Variants in UVRAG observed in about 807,000 individuals in gnomAD.
UVRAG encodes UV radiation resistance associated.
Under a neutral mutation model 78.0 loss-of-function variants are expected in UVRAG, and 19 were observed. The observed-to-expected ratio is 0.24, with a 90% CI of 0.17 to 0.36. The LOEUF (loss-of-function observed/expected upper bound fraction) is 0.36. UVRAG is among the 10% of genes least tolerant of loss of function. The pLI is 1.00. For synonymous variants in UVRAG, 323 were observed against 324.6 expected, an observed-to-expected ratio of 1.00 and a Z score of 0.05; for missense variants, 740 against 853.8, an observed-to-expected ratio of 0.87 and a Z score of 1.66.
intron 5 of UVRAG, chr11:75,911,438 A>C (rs1435106023): frequency 6.1e-6 from 1 of 163,378 alleles, no homozygotes; most frequent in Non-Finnish European, 1.4e-5. Context: ...CTGTTGCCCC[A>C]GGTGATGTTC....
At position 76,107,840 on chromosome 11, in the gene UVRAG, C is replaced by T. The variant is rs189370743; in HGVS notation, c.1306-8084C>T. Among the ~76,000 whole-genome samples the T allele has an allele frequency of 4.3e-4, 66 of 151,970 alleles. 1 individual carries two copies. In the East Asian group the frequency reaches 0.011, roughly 26 times the overall value. ...TCTAGTTCTTTTCATGTCAGTGAAACTTAGTAGTACTTAAAAATGGATTGA... is the reference window on the plus strand; with the variant it reads ...TCTAGTTCTTTTCATGTCAGTGAAATTTAGTAGTACTTAAAAATGGATTGA... On this transcript the variant is annotated intron_variant, in intron 13 of 14. Transcript: ENST00000356136.
chr11:75,908,248 A>C (rs1269349179), intron 5 of UVRAG, among the ~76,000 whole-genome samples: 1 of 152,154 alleles, frequency 6.6e-6, no homozygotes, highest in Non-Finnish European at 1.5e-5. Context: ...CGTGTGTCAG[A>C]ATTTCCTTCC....
intron 6 of UVRAG, among the ~76,000 whole-genome samples, chr11:75,912,878 A>T (rs563612070): frequency 6.6e-6 from 1 of 152,354 alleles, no homozygotes; most frequent in Admixed American, 6.5e-5. Context: ...ATTACACATG[A>T]TATAGAGTTT....
chr11:75,927,528 A>T (rs1237756920), intron 6 of UVRAG, among the ~76,000 whole-genome samples: 2 of 152,254 alleles, frequency 1.3e-5, no homozygotes, highest in African/African-American at 4.8e-5. Flanking sequence ...GTACATTTTA[A>T]TAGGAAATTC....
intron 12 of UVRAG, among the ~76,000 whole-genome samples, chr11:76,023,967 C>A (rs545366681): frequency 2.0e-5 from 3 of 152,040 alleles, no homozygotes; most frequent in Admixed American, 1.3e-4. Flanking sequence ...GATGAAGGGA[C>A]GCCTAGATGA....
rs149310909 is a variant in UVRAG at position 75,837,389 on chromosome 11, A to G, written c.118-14494A>G. 4.4e-3 allele frequency among the ~76,000 whole-genome samples: 671 copies of G among 151,816 alleles called. 3 individuals are homozygous for G. Among genetic ancestry groups the G allele is most frequent in the African/African-American group, 0.015 (615 of 41,364 alleles). On this transcript the variant is annotated intron_variant, in intron 1 of 14. Coordinates refer to ENST00000356136, the MANE Select transcript of UVRAG (RefSeq NM_003369.4). ...AGTCCCTGATATAAAATGGCATAGT[A>G]TGCATATAACCCATGCAACATCTTC...
rs922273021 is a variant in UVRAG, at chr11:76,142,021, A to C, written c.*608A>C. 3 of 152,496 alleles carry C rather than the reference A, an allele frequency of 2.0e-5. No individual in the cohort carries two copies. The highest frequency in any genetic ancestry group is 3.8e-4 in the East Asian group (2 of 5,196). 9.4% of individuals were successfully genotyped at this position (152,496 alleles called of 1,614,324 possible). A position where few individuals can be genotyped will look rare whatever the true frequency, so the allele number is the denominator to read the frequency against. Reference sequence around the variant, plus strand: ...CGTGGATGGGCCATGCGTCCTGAAAACAGGACATCAGATTCACTGGTTCTG... The same window carrying C: ...CGTGGATGGGCCATGCGTCCTGAAACCAGGACATCAGATTCACTGGTTCTG... On this transcript the variant is annotated 3_prime_UTR_variant, in exon 15 of 15. Coordinates refer to ENST00000356136, the MANE Select transcript of UVRAG (RefSeq NM_003369.4).
intron 6 of UVRAG, among the ~76,000 whole-genome samples, chr11:75,936,440 A>G (rs372815489): frequency 3.3e-5 from 5 of 152,234 alleles, no homozygotes; most frequent in East Asian, 1.9e-4. Context: ...GTGACATTCC[A>G]TTTAAGGAAA....
At chr11:76,138,952 A>G (rs7946566) in intron 14 of UVRAG, among the ~76,000 whole-genome samples, 9,674 of 152,280 alleles carry the variant, frequency 0.064, 585 homozygotes, top group African/African-American at 0.16. Flanking sequence ...ATTATTGTGA[A>G]TTTGGGCAAC....
At chr11:75,894,283 T>C (rs1354422058) in intron 5 of UVRAG, among the ~76,000 whole-genome samples, 1 of 152,112 alleles carries the variant, frequency 6.6e-6, no homozygotes, top group Admixed American at 6.5e-5. Flanking sequence ...AAAACTTCTA[T>C]AGCAATTTGA....
rs772344092 is a variant in UVRAG, at chr11:76,016,888, A to G, written c.1134A>G (p.Leu378=). ...AHLVSMISFF[L]QVPLRYPIIH... ...TGGTCTCCATGATTTCCTTTTTCCT[A>G]CAAGTGCCCCTCAGATATCCTATAA... Residue 378 remains leucine, a synonymous_variant, in exon 12 of 15, where the codon CTA becomes CTG. Transcript: ENST00000356136. 8 of 1,612,690 alleles carry G rather than the reference A, an allele frequency of 5.0e-6. No homozygotes were observed. In the East Asian group the frequency reaches 8.9e-5, roughly 18 times the overall value.
chr11:76,049,441 A>G (rs918242284), intron 12 of UVRAG, among the ~76,000 whole-genome samples: 1 of 152,228 alleles, frequency 6.6e-6, no homozygotes, highest in African/African-American at 2.4e-5. Flanking sequence ...CAGCTTATCA[A>G]ATCACTTGGT....
At chr11:76,138,461 C>T (rs140334372) in intron 14 of UVRAG, among the ~76,000 whole-genome samples, 6 of 152,262 alleles carry the variant, frequency 3.9e-5, no homozygotes, top group Non-Finnish European at 5.9e-5. Flanking sequence ...GGGGTTGTCG[C>T]GCCTCATTAG....
chr11:75,823,635 G>A (rs1472928404), intron 1 of UVRAG, among the ~76,000 whole-genome samples: 3 of 152,176 alleles, frequency 2.0e-5, no homozygotes, highest in East Asian at 1.9e-4. Context: ...GCACTGGGCC[G>A]GTAACTTAAA....
chr11:76,071,227 A>G (rs1019178438), intron 13 of UVRAG, among the ~76,000 whole-genome samples: 4 of 152,190 alleles, frequency 2.6e-5, no homozygotes, highest in Non-Finnish European at 5.9e-5. Flanking sequence ...TTGTCAAATA[A>G]CCCTTATTGA....
At chr11:75,843,144 G>T (rs67233017) in intron 1 of UVRAG, among the ~76,000 whole-genome samples, 22,790 of 152,022 alleles carry the variant, frequency 0.15, 2,206 homozygotes, top group African/African-American at 0.27. Flanking sequence ...TTAGATGCAT[G>T]CAAGGGAAAG....
At chr11:76,109,773 C>A (rs1952038455) in intron 13 of UVRAG, among the ~76,000 whole-genome samples, 1 of 152,168 alleles carries the variant, frequency 6.6e-6, no homozygotes, top group Admixed American at 6.5e-5. Flanking sequence ...CTTTTCCTTT[C>A]TATTTTTACT....
chr11:75,892,286 G>A, intron 5 of UVRAG: 1 of 974,398 alleles, frequency 1.0e-6, no homozygotes, highest in Non-Finnish European at 1.2e-6. Context: ...GTCCTGGAGA[G>A]GAGTGAGTGG....
chr11:76,115,348 G>C (rs1952158173), intron 13 of UVRAG, among the ~76,000 whole-genome samples: 1 of 152,200 alleles, frequency 6.6e-6, no homozygotes, highest in Non-Finnish European at 1.5e-5. Flanking sequence ...AGACTCAAGA[G>C]AAATACAGAG....
Sources: gnomAD v4.1 joint callset for allele counts (sites outside exome capture counted in the v4.1 genomes callset) on GRCh38, gnomAD v4.1.1 for gene constraint, MANE v1.5 for transcripts, NCBI Gene and HGNC (gene_info 2026-07-23, HGNC 2026-07-21) for gene names.